The following PCDH12 variants were observed in gnomAD, a reference collection of about 807,000 sequenced individuals.
PCDH12 encodes the protein protocadherin 12.
In PCDH12, 45 loss-of-function variants were observed where a neutral mutation model predicts 70.9. That is an observed-to-expected ratio of 0.63 (90% CI 0.50 to 0.81). The LOEUF (loss-of-function observed/expected upper bound fraction) is 0.81, where lower values mean the gene tolerates loss of function less well. PCDH12 is among the 40% of genes least tolerant of loss of function. The pLI, the probability that PCDH12 is intolerant of heterozygous loss-of-function variation, is 0.00. For missense variants in PCDH12, 1,370 were observed against 1,491.7 expected (o/e 0.92, Z 1.34); for synonymous variants, 567 against 626.0 (o/e 0.91, Z 1.41).
chr5:141,946,426 C>T (rs1439309200), intron 3 of PCDH12, among the ~76,000 whole-genome samples: 1 of 152,178 alleles, frequency 6.6e-6, no homozygotes, highest in African/African-American at 2.4e-5. Flanking sequence ...GCAACCAAAC[C>T]TCAATTTGAT....
In PCDH12 at chr5:141,955,501, T is replaced by C; in HGVS notation, c.2351A>G (p.Gln784Arg). 2 of 1,614,188 alleles carry C rather than the reference T, an allele frequency of 1.2e-6. No homozygotes were observed. Among genetic ancestry groups the C allele is most frequent in the Admixed American group, 1.7e-5 (1 of 60,024 alleles). ...CCCGACTTCACAAGGCTCACCTGCCTGACCCCTGAGCACAGGCACGAGGTG... is the reference window on the plus strand; with the variant it reads ...CCCGACTTCACAAGGCTCACCTGCCCGACCCCTGAGCACAGGCACGAGGTG... Reference protein sequence around the residue: ...DIHLVPVLRGQAGEPCEVGQS... With the variant: ...DIHLVPVLRGRAGEPCEVGQS... The change falls in exon 1 of 4, where the codon CAG becomes CGG. Residue 784 changes from glutamine to arginine, a missense_variant. Transcript: ENST00000231484. This position sits in a 1 kb window ranked among gnomAD's most constrained non-coding sequence, Gnocchi z 5.5.
In PCDH12 at chr5:141,945,099, G is replaced by C. The variant is rs961220189; in HGVS notation, c.*282C>G. The C allele has an allele frequency of 4.5e-6, 2 of 446,594 alleles. No homozygotes were observed. The highest frequency in any genetic ancestry group is 4.0e-5 in the Admixed American group (1 of 25,298). 27.7% of individuals were successfully genotyped at this position (446,594 alleles called of 1,614,324 possible). A position where few individuals can be genotyped will look rare whatever the true frequency, so the allele number is the denominator to read the frequency against. The stretch of plus-strand genomic sequence containing the variant: ...ATACTCCGTGGCATCTGTTCTGCCA[G>C]AGGACTGACCCTTTGTGCTCCACAT... On this transcript the variant is annotated 3_prime_UTR_variant, in exon 4 of 4. Transcript: ENST00000231484.
chr5:141,954,952 G>A lies in PCDH12; in HGVS notation c.2880+20C>T. The A allele has an allele frequency of 1.3e-6, 2 of 1,595,274 alleles. No individual in the cohort carries two copies. Among genetic ancestry groups the A allele is most frequent in the Non-Finnish European group, 1.7e-6 (2 of 1,169,156 alleles). ...TGGTCCAGGAGTGACCAGAGAAAGA[G>A]CTGCCCATGCCCCAGGTACCTGAAC... On this transcript the variant is annotated intron_variant, in intron 1 of 3. Transcript: ENST00000231484.
chr5:141,955,448 C>A lies in PCDH12; in HGVS notation c.2404G>T (p.Ala802Ser). The A allele has an allele frequency of 1.9e-6, 3 of 1,614,076 alleles. No homozygotes were observed. The highest frequency in any genetic ancestry group is 2.5e-6 in the Non-Finnish European group (3 of 1,179,972). ...GQSHKDVDKE[A>S]MMEAGWDPCL... ...GGGTCCCAGCCTGCTTCCATCATCG[C>A]CTCCTTGTCCACATCTTTGTGGGAC... Residue 802 changes from alanine (A) to serine (S), a missense_variant, in exon 1 of 4, where the codon GCG becomes TCG. Ala to Ser is a moderately conservative substitution (Grantham distance 99). Coordinates refer to ENST00000231484, the MANE Select transcript of PCDH12 (RefSeq NM_016580.4). This position sits in a 1 kb window ranked among gnomAD's most constrained non-coding sequence, Gnocchi z 5.5.
In PCDH12 at chr5:141,945,476, C is replaced by T; in HGVS notation, c.3460G>A (p.Ala1154Thr). 1.2e-6 allele frequency: 2 copies of T among 1,613,246 alleles called. No individual in the cohort carries two copies. The highest frequency in any genetic ancestry group is 1.7e-6 in the Non-Finnish European group (2 of 1,179,676). ...RTLSLDLATS[A>T]ASGMKVQGDP... ...CCTTGCACTTTCATGCCTGAGGCTG[C>T]ACTGGTGGCCAAGTCTAAACTGAGG... Residue 1154 changes from alanine (A) to threonine (T), a missense_variant, in exon 4 of 4, where the codon GCA (alanine) becomes ACA (threonine). By Grantham distance (58) the Ala-to-Thr change is moderately conservative (BLOSUM62 0). Coordinates refer to ENST00000231484, the MANE Select transcript of PCDH12 (RefSeq NM_016580.4).
chr5:141,955,205 C>G lies in PCDH12; in HGVS notation c.2647G>C (p.Ala883Pro). The change falls in exon 1 of 4, where the codon GCA becomes CCA. Residue 883 changes from alanine to proline, a missense_variant. Coordinates refer to ENST00000231484, the MANE Select transcript of PCDH12 (RefSeq NM_016580.4). The surrounding 1 kb of genome is among the most constrained non-coding windows in gnomAD (Gnocchi z 5.5). ...GQPRSRPLKV[A>P]GSPTGRLAGD... Reference sequence around the variant, plus strand: ...GCCAGCCTCCCTGTGGGGCTGCCTGCAACCTTCAGAGGCCTGGAACGTGGC... The same window carrying G: ...GCCAGCCTCCCTGTGGGGCTGCCTGGAACCTTCAGAGGCCTGGAACGTGGC... The G allele has an allele frequency of 6.2e-7, 1 of 1,614,236 alleles. No homozygotes were observed.
chr5:141,949,066 C>A (rs1441097594), intron 3 of PCDH12, among the ~76,000 whole-genome samples: 8 of 140,104 alleles, frequency 5.7e-5, no homozygotes, highest in Non-Finnish European at 7.8e-5. Flanking sequence ...AAAAAAAAAT[C>A]AAAAATTAGC....
intron 3 of PCDH12, among the ~76,000 whole-genome samples, chr5:141,946,740 A>G (rs1355886628): frequency 6.6e-6 from 1 of 152,224 alleles, no homozygotes; most frequent in Non-Finnish European, 1.5e-5. Context: ...GGGAATTCAA[A>G]AAACTGGCCC....
At position 141,956,098 on chromosome 5, in the gene PCDH12, G is replaced by C; in HGVS notation, c.1754C>G (p.Thr585Arg). 1 of 1,614,212 alleles carries C rather than the reference G, an allele frequency of 6.2e-7. No homozygotes were observed. Among genetic ancestry groups the C allele is most frequent in the Non-Finnish European group, 8.5e-7 (1 of 1,180,032 alleles). ...ASLSVLVNASTGHLLVPIETP... is the reference protein window; with the variant it reads ...ASLSVLVNASRGHLLVPIETP... Reference sequence around the variant, plus strand: ...CTCGATGGGCACCAGCAGGTGGCCTGTGGAGGCATTCACAAGCACGGAGAG... The same window carrying C: ...CTCGATGGGCACCAGCAGGTGGCCTCTGGAGGCATTCACAAGCACGGAGAG... The change falls in exon 1 of 4, where the codon ACA becomes AGA. Residue 585 changes from threonine to arginine, a missense_variant. Thr to Arg is a moderately conservative substitution (Grantham distance 71). Transcript: ENST00000231484.
chr5:141,947,603 T>G (rs1752970746), intron 3 of PCDH12, among the ~76,000 whole-genome samples: 1 of 152,222 alleles, frequency 6.6e-6, no homozygotes, highest in Admixed American at 6.5e-5. Context: ...TTAACCTCTC[T>G]AAGCTCCCGT....
intron 2 of PCDH12, 66 bp downstream of exon 2, chr5:141,951,427 G>A: frequency 8.5e-7 from 1 of 1,175,776 alleles, no homozygotes; most frequent in South Asian, 1.2e-5. Context: ...CACTCACAGA[G>A]GCTGCAGTGA....
chr5:141,950,632 C>A (rs1207731584), intron 2 of PCDH12, among the ~76,000 whole-genome samples: 2 of 152,140 alleles, frequency 1.3e-5, no homozygotes, highest in African/African-American at 2.4e-5. Context: ...GCCAGTGTGA[C>A]CCTGGAGTGT....
rs767329852 is a variant in PCDH12, at chr5:141,945,790, C to T, written c.3146G>A (p.Arg1049Gln). 7 of 1,612,156 alleles carry T rather than the reference C, an allele frequency of 4.3e-6. No individual in the cohort carries two copies. The highest frequency in any genetic ancestry group is 1.8e-4 in the Middle Eastern group (1 of 5,672). ...LDPSTGLALD[R>Q]LSAPDPAWMA... ...CCAGGCCGGGTCAGGGGCGCTCAGCCGGTCCAGGGCCAGACCTGTGGGGGA... is the reference window on the plus strand; with the variant it reads ...CCAGGCCGGGTCAGGGGCGCTCAGCTGGTCCAGGGCCAGACCTGTGGGGGA... The change falls in exon 4 of 4, where the codon CGG becomes CAG. Residue 1049 changes from arginine (R) to glutamine (Q), a missense_variant. By Grantham distance (43) the Arg-to-Gln change is conservative. Transcript: ENST00000231484.
intron 1 of PCDH12, 70 bp downstream of exon 1, chr5:141,954,902 T>TGG (rs1753147197): frequency 8.5e-6 from 13 of 1,534,552 alleles, no homozygotes; most frequent in Middle Eastern, 2.3e-4. Flanking sequence ...GTGCAGGTTA[T>TGG]GGGGGTGTCT....
At position 141,945,525 on chromosome 5, in the gene PCDH12, C is replaced by A. The variant is rs771958034; in HGVS notation, c.3411G>T (p.Arg1137=). ...MPVEAASEAL[R]RLSVCGRTLS... ...GGGTCCTCCCGCAGACCGAGAGCCGCCGCAGCGCCTCGGAGGCGGCCTCCA... is the reference window on the plus strand; with the variant it reads ...GGGTCCTCCCGCAGACCGAGAGCCGACGCAGCGCCTCGGAGGCGGCCTCCA... The change falls in exon 4 of 4, where the codon CGG becomes CGT. Residue 1137 remains arginine, a synonymous_variant. Coordinates refer to ENST00000231484, the MANE Select transcript of PCDH12 (RefSeq NM_016580.4). 3.1e-6 allele frequency: 5 copies of A among 1,613,942 alleles called. No individual in the cohort carries two copies. In the Admixed American group the frequency reaches 8.3e-5, roughly 27 times the overall value.
In PCDH12 at chr5:141,947,124, G is replaced by A. The variant is rs928598493; in HGVS notation, c.3131-1319C>T. Among the ~76,000 whole-genome samples, 14 of 152,158 alleles carry A rather than the reference G, an allele frequency of 9.2e-5. No homozygotes were observed. In the East Asian group the frequency reaches 1.9e-3, roughly 21 times the overall value. ...TTATGTAATTTGAACAAGTTATTCC[G>A]AAGTATGTGTAGTCATTTATTGTAC... is the stretch of plus-strand genomic sequence containing the variant. On this transcript the variant is annotated intron_variant, in intron 3 of 3. Coordinates refer to ENST00000231484, the MANE Select transcript of PCDH12 (RefSeq NM_016580.4).
In PCDH12 at chr5:141,957,715, A is replaced by T. The variant is rs983748672; in HGVS notation, c.137T>A (p.Ile46Asn). 2 of 1,614,044 alleles carry T rather than the reference A, an allele frequency of 1.2e-6. No individual in the cohort carries two copies. Among genetic ancestry groups the T allele is most frequent in the Non-Finnish European group, 1.7e-6 (2 of 1,180,016 alleles). ...GCCCAGTTCCTGGGACAGCTTCCCG[A>T]TCACTGTACCAGATGGCACTTCCTC... ...VSEEVPSGTV[I>N]GKLSQELGRE... The change falls in exon 1 of 4, where the codon ATC becomes AAC. Residue 46 changes from isoleucine to asparagine, a missense_variant. Transcript: ENST00000231484. The surrounding 1 kb of genome is among the most constrained non-coding windows in gnomAD (Gnocchi z 4.3).
Position 141,956,002 on chromosome 5 carries a change from A to C in PCDH12, c.1850T>G (p.Leu617Arg), listed in dbSNP as rs1330184514. Residue 617 changes from leucine (L) to arginine (R), a missense_variant, in exon 1 of 4, where the codon CTT (leucine) becomes CGT (arginine). Physicochemically the swap from Leu to Arg is moderately radical, Grantham distance 102. Coordinates refer to ENST00000231484, the MANE Select transcript of PCDH12 (RefSeq NM_016580.4). ...ATCTCTTGCCACAATGGTTGTCAAA[A>C]GGAATGGCCGGGAGCTGTGAGTGGC... is the stretch of plus-strand genomic sequence containing the variant. ...PLATHSSRPF[L>R]LTTIVARDAD... 6.2e-6 allele frequency: 10 copies of C among 1,614,066 alleles called. No homozygotes were observed. The Admixed American group carries it at 1.7e-4, about 27-fold the overall frequency.
intron 3 of PCDH12, among the ~76,000 whole-genome samples, chr5:141,947,346 T>C (rs1430363739): frequency 6.6e-6 from 1 of 152,260 alleles, no homozygotes; most frequent in Non-Finnish European, 1.5e-5. Flanking sequence ...TCTGAGGCTA[T>C]AAGGTTGGAT....
Sources: allele counts gnomAD v4.1 joint callset (sites outside exome capture counted in the v4.1 genomes callset), GRCh38; gene constraint gnomAD v4.1.1; non-coding constraint Gnocchi (gnomAD v3.1); transcripts MANE v1.5; gene names NCBI Gene and HGNC (gene_info 2026-07-23, HGNC 2026-07-21).